The following GNG2 variants were observed in gnomAD, a reference collection of about 807,000 sequenced individuals.
The protein encoded by GNG2 is guanine nucleotide-binding protein G(I)/G(S)/G(O) subunit gamma-2.
A neutral mutation model predicts 5.5 loss-of-function variants in GNG2; 5 were observed. That is an observed-to-expected ratio of 0.91 (90% CI 0.48 to 1.92). The LOEUF (loss-of-function observed/expected upper bound fraction) is 1.92. Among genes scored for constraint, GNG2 ranks in the 30% most tolerant of loss-of-function variants. The pLI is 0.01. For synonymous variants in GNG2, 28 were observed against 32.0 expected (o/e 0.88, Z 0.42); for missense variants, 55 against 88.4 (o/e 0.62, Z 1.52).
chr14:51,844,740 T>A (rs550989746), intron 2 of GNG2, among the ~76,000 whole-genome samples: 1 of 152,288 alleles, frequency 6.6e-6, no homozygotes, highest in South Asian at 2.1e-4. Context: ...CAATTTCTTT[T>A]TTTGAGGCAG....
At chr14:51,845,486 G>C (rs1014052232) in intron 2 of GNG2, among the ~76,000 whole-genome samples, 2 of 152,242 alleles carry the variant, frequency 1.3e-5, no homozygotes, top group African/African-American at 4.8e-5. Flanking sequence ...AGTGAGACCT[G>C]TCTCAATAAA....
chr14:51,870,250 G>GAA (rs59400479), intron 1 of GNG2, among the ~76,000 whole-genome samples: 5 of 146,022 alleles, frequency 3.4e-5, no homozygotes, highest in Admixed American at 1.4e-4. Context: ...AAAATATTAA[G>GAA]AAAAAAAAAA....
At chr14:51,908,885 C>T (rs2140197192) in intron 2 of GNG2, among the ~76,000 whole-genome samples, 1 of 151,820 alleles carries the variant, frequency 6.6e-6, no homozygotes, top group East Asian at 1.9e-4. Context: ...AGCCTAAAGA[C>T]AATTTTTTAC....
intron 2 of GNG2, chr14:51,940,510 C>T (rs1452386420): frequency 1.3e-5 from 2 of 152,274 alleles, no homozygotes; most frequent in Admixed American, 6.5e-5. Flanking sequence ...TCTCAAACCT[C>T]CACACTGCTG....
intron 1 of GNG2, among the ~76,000 whole-genome samples, chr14:51,827,119 C>A (rs74049431): frequency 0.042 from 6,333 of 152,220 alleles, 192 homozygotes; most frequent in African/African-American, 0.082. Context: ...GTAGAATAAT[C>A]TGGGGATCTT....
rs1025589455 is a variant in GNG2 at position 51,969,061 on chromosome 14, T to C, written c.*2374T>C. The stretch of plus-strand genomic sequence containing the variant: ...ATTTGTACTTATTCAGGGGAAAAAG[T>C]CTTTCGATTACTTATGCCTCTATAG... On this transcript the variant is annotated 3_prime_UTR_variant, in exon 4 of 4. Transcript: ENST00000556766. The C allele has an allele frequency of 5.3e-5, 8 of 152,210 alleles. No individual in the cohort carries two copies. Among genetic ancestry groups the C allele is most frequent in the African/African-American group, 1.9e-4 (8 of 41,460 alleles). 9.4% of individuals were successfully genotyped at this position (152,210 alleles called of 1,614,324 possible).
At chr14:51,965,409 G>C (rs1389658687) in intron 3 of GNG2, among the ~76,000 whole-genome samples, 1 of 152,154 alleles carries the variant, frequency 6.6e-6, no homozygotes, top group East Asian at 1.9e-4. Flanking sequence ...CTAGTCCCCA[G>C]ATGTAGCTAT....
At chr14:51,891,082 T>C (rs552579303) in intron 2 of GNG2, among the ~76,000 whole-genome samples, 150 of 152,314 alleles carry the variant, frequency 9.8e-4, no homozygotes, top group African/African-American at 3.4e-3. Flanking sequence ...TAGTAATCCT[T>C]GTTCATGTAG....
chr14:51,852,771 A>G (rs1328978240), intron 2 of GNG2, among the ~76,000 whole-genome samples: 1 of 152,256 alleles, frequency 6.6e-6, no homozygotes, highest in Non-Finnish European at 1.5e-5. Flanking sequence ...AACGGAAATC[A>G]TTTTAGCAAC....
intron 1 of GNG2, among the ~76,000 whole-genome samples, chr14:51,873,396 G>C (rs1417399286): frequency 6.6e-6 from 1 of 152,194 alleles, no homozygotes; most frequent in Non-Finnish European, 1.5e-5. Context: ...AAAGCAAGAG[G>C]GGGAGAGAAA....
At chr14:51,895,738 C>T (rs1270963707) in intron 2 of GNG2, among the ~76,000 whole-genome samples, 1 of 152,202 alleles carries the variant, frequency 6.6e-6, no homozygotes, top group African/African-American at 2.4e-5. Context: ...CAAATCTCAT[C>T]TTGTAGCTCC....
At chr14:51,945,741 C>T (rs1455916980) in intron 2 of GNG2, among the ~76,000 whole-genome samples, 8 of 151,750 alleles carry the variant, frequency 5.3e-5, no homozygotes, top group African/African-American at 1.9e-4. Context: ...GTGTAGAGGT[C>T]TTCTTTTAGC....
chr14:51,917,249 A>T, intron 2 of GNG2: 1 of 403,106 alleles, frequency 2.5e-6, no homozygotes, highest in Non-Finnish European at 4.9e-6. Flanking sequence ...CAAAATATCC[A>T]CCAGTCAGCA....
chr14:51,897,229 G>A (rs1418095818), intron 2 of GNG2, among the ~76,000 whole-genome samples: 2 of 152,220 alleles, frequency 1.3e-5, no homozygotes, highest in African/African-American at 2.4e-5. Context: ...ACTAACTAGA[G>A]TTGGACAGTC....
chr14:51,950,512 C>A (rs904332231), intron 2 of GNG2, 138 bp from the exon 3 acceptor site: 5 of 577,622 alleles, frequency 8.7e-6, no homozygotes, highest in Non-Finnish European at 1.5e-5. Context: ...AGAGGTAATA[C>A]CGACCAAGGA....
intron 2 of GNG2, among the ~76,000 whole-genome samples, chr14:51,838,184 C>T (rs1283709865): frequency 6.6e-6 from 1 of 152,098 alleles, no homozygotes; most frequent in African/African-American, 2.4e-5. Context: ...TTATTAATGC[C>T]TGTAATCCCA....
intron 2 of GNG2, among the ~76,000 whole-genome samples, chr14:51,942,954 C>T (rs1888430800): frequency 6.6e-6 from 1 of 152,072 alleles, no homozygotes; most frequent in Admixed American, 6.5e-5. Flanking sequence ...TTGATCATCA[C>T]CCCAGCTGAT....
chr14:51,831,931 G>A (rs954687948), intron 2 of GNG2, among the ~76,000 whole-genome samples: 9 of 152,250 alleles, frequency 5.9e-5, no homozygotes, highest in South Asian at 4.1e-4. Context: ...TTTAAAAAGA[G>A]AATTCCTATA....
At chr14:51,866,730 C>A (rs1360081570) in intron 1 of GNG2, among the ~76,000 whole-genome samples, 2 of 152,206 alleles carry the variant, frequency 1.3e-5, no homozygotes, top group African/African-American at 4.8e-5. Flanking sequence ...GGCACTAATC[C>A]CATTCATGGG....
Sources: allele counts gnomAD v4.1 joint callset (sites outside exome capture counted in the v4.1 genomes callset), GRCh38; gene constraint gnomAD v4.1.1; transcripts MANE v1.5; gene names NCBI Gene and HGNC (gene_info 2026-07-23, HGNC 2026-07-21).